SLC8A1: variants seen among roughly 807,000 people sequenced by gnomAD.
The protein encoded by SLC8A1 is solute carrier family 8 member A1, also known as sodium/calcium exchanger 1.
Under a neutral mutation model 68.3 loss-of-function variants are expected in SLC8A1, and 18 were observed. The observed-to-expected ratio is 0.26, with a 90% CI of 0.18 to 0.39. SLC8A1 has a LOEUF of 0.39. Ranked by LOEUF, SLC8A1 falls within the 10% of genes least tolerant of loss-of-function variation. The pLI, the probability that SLC8A1 is intolerant of heterozygous loss-of-function variation, is 1.00. For missense variants in SLC8A1, 985 were observed against 1,156.7 expected (o/e 0.85, Z 2.15); for synonymous variants, 475 against 415.5 (o/e 1.14, Z -1.74).
intron 2 of SLC8A1, among the ~76,000 whole-genome samples, chr2:40,273,704 T>C (rs921460653): frequency 6.6e-6 from 1 of 152,196 alleles, no homozygotes; most frequent in African/African-American, 2.4e-5. Context: ...ATAAGGTTGT[T>C]AAATGACACT....
intron 2 of SLC8A1, among the ~76,000 whole-genome samples, chr2:40,280,536 A>T (rs1355677819): frequency 6.6e-6 from 1 of 152,208 alleles, no homozygotes; most frequent in Non-Finnish European, 1.5e-5. Flanking sequence ...TTGCAATACC[A>T]TCATGCTAAA....
At chr2:40,254,903 T>A (rs894587723) in intron 2 of SLC8A1, 1 of 152,234 alleles carries the variant, frequency 6.6e-6, no homozygotes, top group Non-Finnish European at 1.5e-5. Flanking sequence ...ACTGGGCTGA[T>A]GTGCAAGGCA....
chr2:40,301,956 G>A (rs1293754024), intron 2 of SLC8A1, among the ~76,000 whole-genome samples: 1 of 151,706 alleles, frequency 6.6e-6, no homozygotes, highest in Non-Finnish European at 1.5e-5. Flanking sequence ...TCTGACTCCT[G>A]GGTTCAAGCA....
chr2:40,101,015 A>C (rs533839905), exon 8 of SLC8A1: 1 of 152,172 alleles, frequency 6.6e-6, no homozygotes, highest in Non-Finnish European at 1.5e-5. Flanking sequence ...GAGTATTTTA[A>C]GTATCCACAA....
At chr2:40,506,192 T>C (rs1215507887) in intron 1 of SLC8A1, among the ~76,000 whole-genome samples, 2 of 151,194 alleles carry the variant, frequency 1.3e-5, no homozygotes, top group Non-Finnish European at 3.0e-5. Context: ...TTGAAAACTG[T>C]GATTTAGAAG....
intron 2 of SLC8A1, chr2:40,210,013 ATGAGTTGGCAGG>A (rs1213899163): frequency 6.6e-6 from 1 of 152,238 alleles, no homozygotes; most frequent in African/African-American, 2.4e-5. Flanking sequence ...GAGTTGGCAG[ATGAGTTGGCAGG>A]TGAGAGAATG....
chr2:40,127,670 C>A (rs963373981), intron 7 of SLC8A1, among the ~76,000 whole-genome samples: 4 of 152,124 alleles, frequency 2.6e-5, no homozygotes, highest in African/African-American at 9.7e-5. Flanking sequence ...GTTATCTTGA[C>A]CCAGGATTTT....
intron 2 of SLC8A1, among the ~76,000 whole-genome samples, chr2:40,188,110 A>G (rs181064517): frequency 6.4e-4 from 97 of 152,252 alleles, no homozygotes; most frequent in African/African-American, 1.8e-3. Context: ...TTGATTTTTT[A>G]TTGCTTAAAA....
chr2:40,305,505 G>C (rs893302433), intron 2 of SLC8A1, among the ~76,000 whole-genome samples: 2 of 152,160 alleles, frequency 1.3e-5, no homozygotes, highest in African/African-American at 4.8e-5. Context: ...TGAGAGGATG[G>C]ATCAAGTTAT....
chr2:40,149,594 C>T (rs1203126971), intron 6 of SLC8A1, among the ~76,000 whole-genome samples: 1 of 152,108 alleles, frequency 6.6e-6, no homozygotes, highest in Non-Finnish European at 1.5e-5. Flanking sequence ...TGGCATTAAG[C>T]TTTGGGAGGC....
chr2:40,214,554 G>A (rs747783680), intron 2 of SLC8A1, among the ~76,000 whole-genome samples: 1 of 150,864 alleles, frequency 6.6e-6, no homozygotes, highest in Admixed American at 6.6e-5. Context: ...GTATTCTCCT[G>A]CCTCCGCCTC....
chr2:40,332,738 G>A (rs1399541948), intron 2 of SLC8A1, among the ~76,000 whole-genome samples: 2 of 152,158 alleles, frequency 1.3e-5, no homozygotes, highest in African/African-American at 4.8e-5. Flanking sequence ...TATAATCCCT[G>A]ACTACCAAAA....
At chr2:40,329,826 G>T (rs749560014) in intron 2 of SLC8A1, among the ~76,000 whole-genome samples, 1 of 152,128 alleles carries the variant, frequency 6.6e-6, no homozygotes, top group East Asian at 1.9e-4. Context: ...TGGAGTCCTG[G>T]CACGCTGTCA....
At chr2:40,136,298 C>A (rs948756913) in intron 7 of SLC8A1, among the ~76,000 whole-genome samples, 1 of 152,258 alleles carries the variant, frequency 6.6e-6, no homozygotes, top group Middle Eastern at 3.4e-3. Context: ...TCCTTCTCTG[C>A]CAGTAGAGTA....
intron 2 of SLC8A1, among the ~76,000 whole-genome samples, chr2:40,417,557 G>C (rs1305059725): frequency 1.3e-5 from 2 of 152,090 alleles, no homozygotes; most frequent in Admixed American, 6.6e-5. Context: ...CACCCAGGCT[G>C]GAGTGCAGTG....
At chr2:40,103,443 T>G (rs1351303017) in exon 8 of SLC8A1, 1 of 152,214 alleles carries the variant, frequency 6.6e-6, no homozygotes, top group African/African-American at 2.4e-5. Context: ...CAGTTGAATC[T>G]GTAGCAGATG....
At chr2:40,483,094 G>A (rs933921450) in intron 1 of SLC8A1, among the ~76,000 whole-genome samples, 9 of 151,530 alleles carry the variant, frequency 5.9e-5, no homozygotes, top group Non-Finnish European at 1.0e-4. Flanking sequence ...ATAAGCCATC[G>A]TGCCCGGCCC....
intron 3 of SLC8A1, among the ~76,000 whole-genome samples, chr2:40,176,170 A>G (rs2148548820): frequency 6.6e-6 from 1 of 152,268 alleles, no homozygotes; most frequent in African/African-American, 2.4e-5. Flanking sequence ...TGTTACAGTT[A>G]CTTTTTTGGG....
intron 2 of SLC8A1, among the ~76,000 whole-genome samples, chr2:40,422,995 C>A (rs1695926257): frequency 6.6e-6 from 1 of 152,060 alleles, no homozygotes; most frequent in African/African-American, 2.4e-5. Flanking sequence ...AACGGGAAAA[C>A]AATACGATAA....
Sources: allele counts gnomAD v4.1 joint callset (sites outside exome capture counted in the v4.1 genomes callset), GRCh38; gene constraint gnomAD v4.1.1; transcripts MANE v1.5; gene names NCBI Gene and HGNC (gene_info 2026-07-23, HGNC 2026-07-21).